The following KCNH8 variants were observed in gnomAD, a reference collection of about 807,000 sequenced individuals.
KCNH8 encodes the protein voltage-gated delayed rectifier potassium channel KCNH8.
A neutral mutation model predicts 103.6 loss-of-function variants in KCNH8; 70 were observed. That is an observed-to-expected ratio of 0.68 (90% confidence interval 0.56 to 0.82). The LOEUF is 0.82. KCNH8 is among the 40% of genes least tolerant of loss of function. The pLI is 0.00. For synonymous variants in KCNH8, 498 were observed against 489.4 expected (o/e 1.02, Z -0.23); for missense variants, 1,217 against 1,329.9 (o/e 0.92, Z 1.32).
chr3:19,324,214 T>C (rs959817643), intron 3 of KCNH8, among the ~76,000 whole-genome samples: 6 of 152,230 alleles, frequency 3.9e-5, no homozygotes, highest in Admixed American at 2.0e-4. Flanking sequence ...TCCAGGCGAA[T>C]GGAGTTATTA....
At chr3:19,382,541 C>T (rs1414466734) in intron 5 of KCNH8, among the ~76,000 whole-genome samples, 1 of 152,074 alleles carries the variant, frequency 6.6e-6, no homozygotes, top group Non-Finnish European at 1.5e-5. Context: ...ACTTTAACAC[C>T]ACTATATTAG....
At chr3:19,458,344 A>G (rs1267672877) in intron 11 of KCNH8, among the ~76,000 whole-genome samples, 1 of 151,920 alleles carries the variant, frequency 6.6e-6, no homozygotes, top group African/African-American at 2.4e-5. Flanking sequence ...ATCAAAGGTG[A>G]GTTAGGGGGT....
intron 10 of KCNH8, among the ~76,000 whole-genome samples, chr3:19,454,996 T>A (rs2067509097): frequency 6.6e-6 from 1 of 152,184 alleles, no homozygotes; most frequent in South Asian, 2.1e-4. Context: ...AATACTTTGA[T>A]AAACTTAGCA....
intron 1 of KCNH8, among the ~76,000 whole-genome samples, chr3:19,174,466 T>C (rs1283447198): frequency 6.6e-6 from 1 of 152,152 alleles, no homozygotes; most frequent in Admixed American, 6.5e-5. Flanking sequence ...ATAAATAGAA[T>C]GGGGTTAAGC....
chr3:19,337,664 G>A (rs968025701), intron 3 of KCNH8, among the ~76,000 whole-genome samples: 19 of 151,772 alleles, frequency 1.3e-4, no homozygotes, highest in African/African-American at 4.4e-4. Flanking sequence ...ATCTCTGTAC[G>A]TATTTCAAAT....
rs767587884 is a variant in KCNH8 at position 19,330,842 on chromosome 3, A to G, written c.443-11745A>G. 1.0e-3 allele frequency among the ~76,000 whole-genome samples: 152 copies of G among 152,188 alleles called. 4 individuals are homozygous for G. The highest frequency in any genetic ancestry group is 1.0e-3 in the Non-Finnish European group (70 of 68,032). ...AAATTTAGAGGATCACCTATAGGCA[A>G]AGGATAATCATGTATTGTGATATGC... On this transcript the variant is annotated intron_variant, in intron 3 of 15. Transcript: ENST00000328405.
At chr3:19,241,955 T>C (rs1204542355) in intron 1 of KCNH8, among the ~76,000 whole-genome samples, 2 of 152,078 alleles carry the variant, frequency 1.3e-5, no homozygotes, top group Non-Finnish European at 2.9e-5. Context: ...GAGAAGATGA[T>C]CAGGGAAGGA....
chr3:19,319,835 C>T (rs1559474862), intron 3 of KCNH8, among the ~76,000 whole-genome samples: 1 of 152,010 alleles, frequency 6.6e-6, no homozygotes, highest in Admixed American at 6.6e-5. Context: ...TCTATGATTT[C>T]TTTCAGCAGT....
chr3:19,288,272 A>C (rs1216590587), intron 3 of KCNH8, among the ~76,000 whole-genome samples: 4 of 142,008 alleles, frequency 2.8e-5, no homozygotes, highest in Non-Finnish European at 4.5e-5. Flanking sequence ...GTACATGTGC[A>C]CAACATGCAG....
chr3:19,194,538 G>A lies in KCNH8; in HGVS notation c.76+45743G>A, dbSNP rs1018761815. On this transcript the variant is annotated intron_variant, in intron 1 of 15. Transcript: ENST00000328405. ...TATTATAGGGCTAGGACATTTCAAA[G>A]TCAAATAGTACAGTTTCTCCATAGG... 2.0e-5 allele frequency among the ~76,000 whole-genome samples: 3 copies of A among 151,768 alleles called. No individual in the cohort carries two copies. In the East Asian group the frequency reaches 5.8e-4, roughly 29 times the overall value.
intron 1 of KCNH8, among the ~76,000 whole-genome samples, chr3:19,175,454 C>A (rs2063390002): frequency 6.6e-6 from 1 of 152,158 alleles, no homozygotes; most frequent in Non-Finnish European, 1.5e-5. Context: ...CGTGATCCGT[C>A]CGCCTCGGCC....
At chr3:19,170,781 CACACACACAT>C (rs2063338926) in intron 1 of KCNH8, among the ~76,000 whole-genome samples, 1 of 103,664 alleles carries the variant, frequency 9.6e-6, no homozygotes, top group Non-Finnish European at 1.9e-5. Flanking sequence ...TATACACACA[CACACACACAT>C]ATATATATAT....
chr3:19,479,415 A>T (rs1212776792), intron 11 of KCNH8, among the ~76,000 whole-genome samples: 1 of 152,206 alleles, frequency 6.6e-6, no homozygotes, highest in Non-Finnish European at 1.5e-5. Flanking sequence ...TTTCTAAGTT[A>T]CACAACAAGC....
chr3:19,285,432 A>G (rs76978191), intron 3 of KCNH8, among the ~76,000 whole-genome samples: 2,068 of 152,252 alleles, frequency 0.014, 20 homozygotes, highest in Non-Finnish European at 0.024. Flanking sequence ...GTACTCATAC[A>G]TATCTCCTAC....
chr3:19,237,532 G>A (rs746547937), intron 1 of KCNH8, among the ~76,000 whole-genome samples: 1 of 152,184 alleles, frequency 6.6e-6, no homozygotes, highest in Non-Finnish European at 1.5e-5. Flanking sequence ...CAACTGCAGT[G>A]GGCACATGCA....
intron 11 of KCNH8, among the ~76,000 whole-genome samples, chr3:19,460,625 G>A (rs191832720): frequency 1.2e-4 from 19 of 152,214 alleles, no homozygotes; most frequent in Admixed American, 5.9e-4. Context: ...GCTCTCATTG[G>A]TGCACTTCTC....
intron 7 of KCNH8, among the ~76,000 whole-genome samples, chr3:19,425,775 G>A (rs748001600): frequency 6.6e-6 from 1 of 152,134 alleles, no homozygotes; most frequent in Non-Finnish European, 1.5e-5. Context: ...ACAAAATATC[G>A]AAGATAGACT....
chr3:19,483,102 G>A (rs1242960050), intron 11 of KCNH8, among the ~76,000 whole-genome samples: 1 of 151,990 alleles, frequency 6.6e-6, no homozygotes, highest in African/African-American at 2.4e-5. Context: ...GGGAAGCTAG[G>A]AGTTTGCCTG....
chr3:19,296,738 T>C (rs775968634), intron 3 of KCNH8, among the ~76,000 whole-genome samples: 12 of 152,034 alleles, frequency 7.9e-5, no homozygotes, highest in Non-Finnish European at 1.2e-4. Flanking sequence ...ACAAATTGGG[T>C]TCAGTGTATA....
Sources: gnomAD v4.1 joint callset for allele counts (sites outside exome capture counted in the v4.1 genomes callset) on GRCh38, gnomAD v4.1.1 for gene constraint, MANE v1.5 for transcripts, NCBI Gene and HGNC (gene_info 2026-07-23, HGNC 2026-07-21) for gene names.